The following PTPRD variants were observed in gnomAD, a reference collection of about 807,000 sequenced individuals.
The protein encoded by PTPRD is receptor-type tyrosine-protein phosphatase delta.
Under a neutral mutation model 214.5 loss-of-function variants are expected in PTPRD, and 34 were observed. That is an observed-to-expected ratio of 0.16 (90% CI 0.12 to 0.21). The LOEUF (loss-of-function observed/expected upper bound fraction) is 0.21, where lower values mean the gene tolerates loss of function less well. Among genes scored for constraint, PTPRD ranks in the 10% least tolerant of loss-of-function variants. The pLI is 1.00. For synonymous variants in PTPRD, 1,128 were observed against 845.7 expected, an observed-to-expected ratio of 1.33 and a Z score of -5.79; for missense variants, 2,545 against 2,398.7, an observed-to-expected ratio of 1.06 and a Z score of -1.27.
chr9:10,451,183 T>C (rs902512412), intron 2 of PTPRD, among the ~76,000 whole-genome samples: 3 of 152,016 alleles, frequency 2.0e-5, no homozygotes, highest in African/African-American at 2.4e-5. Flanking sequence ...TGGCAAAATA[T>C]ACACTAATAG....
intron 5 of PTPRD, among the ~76,000 whole-genome samples, chr9:9,809,796 G>C (rs935645306): frequency 5.9e-5 from 9 of 152,136 alleles, no homozygotes; most frequent in African/African-American, 2.2e-4. Context: ...ATCAGGGACA[G>C]GAAATCAGAA....
intron 2 of PTPRD, among the ~76,000 whole-genome samples, chr9:10,441,728 A>G (rs1291387407): frequency 4.0e-5 from 6 of 151,670 alleles, no homozygotes; most frequent in African/African-American, 1.4e-4. Flanking sequence ...TGGCACATAC[A>G]GCAGGTAGTT....
intron 33 of PTPRD, among the ~76,000 whole-genome samples, chr9:8,457,678 A>G (rs745535430): frequency 2.0e-5 from 3 of 152,138 alleles, no homozygotes; most frequent in Non-Finnish European, 4.4e-5. Flanking sequence ...CTAGCATCTT[A>G]GAAGCAGAGA....
Position 9,955,446 on chromosome 9 carries a change from T to C in PTPRD, c.-471-16836A>G, listed in dbSNP as rs145001722. ...CTTCTTACCGTTTGTTATATATCAA[T>C]TTGGTACCCAACTTTACATTGGCCA... On this transcript the variant is annotated intron_variant, in intron 4 of 45. Coordinates refer to ENST00000381196, the MANE Select transcript of PTPRD (RefSeq NM_002839.4). Among the ~76,000 whole-genome samples the C allele has an allele frequency of 2.5e-4, 38 of 152,302 alleles. 1 individual carries two copies. The East Asian group carries it at 6.4e-3, about 25-fold the overall frequency.
At chr9:10,050,083 C>G (rs1589736767) in intron 3 of PTPRD, among the ~76,000 whole-genome samples, 1 of 151,982 alleles carries the variant, frequency 6.6e-6, no homozygotes, top group African/African-American at 2.4e-5. Flanking sequence ...ATAATAGGTT[C>G]AAAATAAATA....
chr9:8,847,119 G>A (rs1438112138), intron 11 of PTPRD, among the ~76,000 whole-genome samples: 2 of 151,874 alleles, frequency 1.3e-5, no homozygotes, highest in African/African-American at 4.8e-5. Context: ...GTAACTGAGA[G>A]AAAACAGATT....
chr9:9,920,391 C>G (rs763974727), intron 5 of PTPRD, among the ~76,000 whole-genome samples: 20 of 152,158 alleles, frequency 1.3e-4, no homozygotes, highest in South Asian at 6.2e-4. Flanking sequence ...CATGAGCTCT[C>G]TAACAATTCG....
chr9:10,244,924 C>A (rs1344605421), intron 3 of PTPRD, among the ~76,000 whole-genome samples: 4 of 152,096 alleles, frequency 2.6e-5, no homozygotes, highest in African/African-American at 4.8e-5. Flanking sequence ...GCTTATTACA[C>A]AATTTATTTT....
chr9:9,010,753 T>C (rs563173275), intron 11 of PTPRD, among the ~76,000 whole-genome samples: 8 of 152,212 alleles, frequency 5.3e-5, no homozygotes, highest in African/African-American at 1.9e-4. Flanking sequence ...TTTATTAAGC[T>C]CTCCTCTATT....
At chr9:9,926,669 G>C (rs1301570262) in intron 5 of PTPRD, among the ~76,000 whole-genome samples, 1 of 152,108 alleles carries the variant, frequency 6.6e-6, no homozygotes, top group Non-Finnish European at 1.5e-5. Flanking sequence ...TGACAAAAAT[G>C]ATAGTTGAAA....
At chr9:9,114,392 C>T (rs539413928) in intron 10 of PTPRD, among the ~76,000 whole-genome samples, 26 of 152,118 alleles carry the variant, frequency 1.7e-4, no homozygotes, top group Non-Finnish European at 3.2e-4. Context: ...CCCTTACACT[C>T]GGAAAATCCT....
chr9:10,378,486 AG>A (rs897424224), intron 2 of PTPRD, among the ~76,000 whole-genome samples: 1 of 151,978 alleles, frequency 6.6e-6, no homozygotes, highest in African/African-American at 2.4e-5. Flanking sequence ...ATTTCTGTAT[AG>A]GGTGAGAGAT....
intron 2 of PTPRD, among the ~76,000 whole-genome samples, chr9:10,413,553 A>C (rs1211820496): frequency 2.0e-5 from 3 of 152,030 alleles, no homozygotes; most frequent in African/African-American, 7.2e-5. Context: ...TTACAGATTC[A>C]ATTCTATTCC....
intron 8 of PTPRD, among the ~76,000 whole-genome samples, chr9:9,439,431 G>A (rs1035216095): frequency 4.6e-5 from 7 of 152,120 alleles, no homozygotes; most frequent in African/African-American, 1.2e-4. Context: ...TGATAAGGTG[G>A]AATAATGTGA....
intron 10 of PTPRD, among the ~76,000 whole-genome samples, chr9:9,146,100 A>C (rs942993691): frequency 6.6e-6 from 1 of 152,172 alleles, no homozygotes; most frequent in Non-Finnish European, 1.5e-5. Flanking sequence ...TGTGACTTCA[A>C]ATGGGGTTTT....
chr9:8,381,404 C>G (rs1010522173), intron 37 of PTPRD, among the ~76,000 whole-genome samples: 4 of 152,122 alleles, frequency 2.6e-5, no homozygotes, highest in Admixed American at 2.6e-4. Context: ...AGATTGAATA[C>G]TTGATTTTCC....
chr9:9,783,644 C>T (rs956928888), intron 5 of PTPRD, among the ~76,000 whole-genome samples: 1 of 151,924 alleles, frequency 6.6e-6, no homozygotes, highest in Admixed American at 6.6e-5. Context: ...TAATAAAGAG[C>T]ACAAGAACGC....
intron 8 of PTPRD, among the ~76,000 whole-genome samples, chr9:9,528,522 G>A (rs1199016744): frequency 6.6e-6 from 1 of 152,032 alleles, no homozygotes; most frequent in Admixed American, 6.6e-5. Flanking sequence ...CCCAGGAAAG[G>A]GATGGCAAAA....
chr9:9,771,722 A>G (rs963447630), intron 5 of PTPRD, among the ~76,000 whole-genome samples: 3 of 152,208 alleles, frequency 2.0e-5, no homozygotes, highest in South Asian at 4.1e-4. Context: ...TTTCAATGAC[A>G]TTCTGTATTC....
Sources: gnomAD v4.1 joint callset for allele counts (sites outside exome capture counted in the v4.1 genomes callset) on GRCh38, gnomAD v4.1.1 for gene constraint, MANE v1.5 for transcripts, NCBI Gene and HGNC (gene_info 2026-07-23, HGNC 2026-07-21) for gene names.